TBC1D9: variants seen among roughly 807,000 people sequenced by gnomAD.
TBC1D9 encodes TBC1 domain family member 9.
In TBC1D9, 63 loss-of-function variants were observed where a neutral mutation model predicts 132.0. That is an observed-to-expected ratio of 0.48 (90% CI 0.39 to 0.59). The LOEUF (loss-of-function observed/expected upper bound fraction) is 0.59, where lower values mean the gene tolerates loss of function less well. Ranked by LOEUF, TBC1D9 falls within the 20% of genes least tolerant of loss-of-function variation. The pLI is 0.00. For missense variants in TBC1D9, 1,261 were observed against 1,592.7 expected (o/e 0.79, Z 3.54); for synonymous variants, 610 against 609.9 (o/e 1.00, Z 0.00).
At chr4:140,727,667 T>C (rs1738521608) in intron 1 of TBC1D9, among the ~76,000 whole-genome samples, 1 of 152,226 alleles carries the variant, frequency 6.6e-6, no homozygotes, top group African/African-American at 2.4e-5. Flanking sequence ...TCTTGCTGAA[T>C]ACAGTCTCTT....
chr4:140,656,114 G>A (rs1737263017), intron 13 of TBC1D9, among the ~76,000 whole-genome samples: 3 of 152,176 alleles, frequency 2.0e-5, no homozygotes, highest in Non-Finnish European at 4.4e-5. Context: ...CTGTCAGCTA[G>A]CACAGAACTA....
In TBC1D9 at chr4:140,741,932, G is replaced by A. The variant is rs142482294; in HGVS notation, c.130+13984C>T. Reference sequence around the variant, plus strand: ...CTTTGAATCCACATATGACCTGGAAGCCCCCTCCCTTTTGAGTTGTCCTAC... The same window carrying A: ...CTTTGAATCCACATATGACCTGGAAACCCCCTCCCTTTTGAGTTGTCCTAC... On this transcript the variant is annotated intron_variant, in intron 1 of 20. Transcript: ENST00000442267. 1.8e-4 allele frequency among the ~76,000 whole-genome samples: 28 copies of A among 152,184 alleles called. No individual in the cohort carries two copies. The East Asian group carries it at 5.2e-3, about 28-fold the overall frequency.
At chr4:140,674,689 A>T (rs949531271) in intron 6 of TBC1D9, among the ~76,000 whole-genome samples, 31 of 146,532 alleles carry the variant, frequency 2.1e-4, no homozygotes, top group East Asian at 1.4e-3. Context: ...ATATATATAT[A>T]TATTTTTTTT....
chr4:140,703,441 C>A (rs1738102278), intron 1 of TBC1D9, among the ~76,000 whole-genome samples: 1 of 152,220 alleles, frequency 6.6e-6, no homozygotes, highest in South Asian at 2.1e-4. Flanking sequence ...CTAGTCAACT[C>A]ATGTTCGGAA....
chr4:140,742,957 T>G (rs1375662908), intron 1 of TBC1D9, among the ~76,000 whole-genome samples: 2 of 146,106 alleles, frequency 1.4e-5, no homozygotes, highest in Non-Finnish European at 3.0e-5. Context: ...GCTTTCAAAA[T>G]GTACATACAG....
intron 2 of TBC1D9, among the ~76,000 whole-genome samples, chr4:140,691,673 GC>G (rs1737880202): frequency 6.6e-6 from 1 of 152,202 alleles, no homozygotes; most frequent in Admixed American, 6.5e-5. Flanking sequence ...CTCTGCTGTG[GC>G]TAAAAACTAG....
At chr4:140,720,647 A>AT (rs2111057852) in intron 1 of TBC1D9, among the ~76,000 whole-genome samples, 1 of 152,330 alleles carries the variant, frequency 6.6e-6, no homozygotes, top group South Asian at 2.1e-4. Context: ...GGATACCAGC[A>AT]TATTACCTGG....
intron 16 of TBC1D9, among the ~76,000 whole-genome samples, chr4:140,629,855 T>G (rs891660680): frequency 1.3e-5 from 2 of 152,228 alleles, no homozygotes; most frequent in Non-Finnish European, 2.9e-5. Flanking sequence ...ATGAAAATAA[T>G]GACGGACATT....
Position 140,620,822 on chromosome 4 carries a change from A to G in TBC1D9, c.*1373T>C, listed in dbSNP as rs1283134908. On this transcript the variant is annotated 3_prime_UTR_variant, in exon 21 of 21. Coordinates refer to ENST00000442267, the MANE Select transcript of TBC1D9 (RefSeq NM_015130.3). ...TATTTTATTTGTTCACATTTAGCCTATTTGAGGTTAACACTACTTCATTTG... is the reference window on the plus strand; with the variant it reads ...TATTTTATTTGTTCACATTTAGCCTGTTTGAGGTTAACACTACTTCATTTG... The G allele has an allele frequency of 6.6e-6, 1 of 152,654 alleles. No individual in the cohort carries two copies. The highest frequency in any genetic ancestry group is 1.5e-5 in the Non-Finnish European group (1 of 68,034). 9.5% of individuals were successfully genotyped at this position (152,654 alleles called of 1,614,324 possible). A position where few individuals can be genotyped will look rare whatever the true frequency, so the allele number is the denominator to read the frequency against.
At chr4:140,732,182 T>C (rs1738604233) in intron 1 of TBC1D9, among the ~76,000 whole-genome samples, 1 of 152,294 alleles carries the variant, frequency 6.6e-6, no homozygotes, top group African/African-American at 2.4e-5. Context: ...TTGATAAACA[T>C]ACGAATAACA....
At chr4:140,725,666 G>A (rs566562341) in intron 1 of TBC1D9, among the ~76,000 whole-genome samples, 1 of 152,082 alleles carries the variant, frequency 6.6e-6, no homozygotes, top group Non-Finnish European at 1.5e-5. Context: ...TTTGCTGGAT[G>A]CGGATCTCAT....
chr4:140,661,779 G>T, intron 10 of TBC1D9, 114 bp downstream of exon 10: 1 of 852,306 alleles, frequency 1.2e-6, no homozygotes, highest in Non-Finnish European at 1.9e-6. Flanking sequence ...AAGGTTGAGA[G>T]GCCCTGGTAA....
chr4:140,698,975 T>A (rs901837463), intron 2 of TBC1D9, among the ~76,000 whole-genome samples: 10 of 152,126 alleles, frequency 6.6e-5, no homozygotes, highest in Non-Finnish European at 1.5e-4. Context: ...TTTACTTGTA[T>A]CCTCACTAGA....
intron 2 of TBC1D9, among the ~76,000 whole-genome samples, chr4:140,699,388 C>T (rs1052700940): frequency 5.3e-5 from 8 of 152,166 alleles, no homozygotes; most frequent in Non-Finnish European, 8.8e-5. Context: ...AGTAACTTTA[C>T]AGTGGACAAA....
At chr4:140,707,948 A>G (rs1738173220) in intron 1 of TBC1D9, among the ~76,000 whole-genome samples, 2 of 151,990 alleles carry the variant, frequency 1.3e-5, no homozygotes. Flanking sequence ...ATATTACACT[A>G]AGGTAATTAC....
At chr4:140,741,416 T>C (rs1738756462) in intron 1 of TBC1D9, among the ~76,000 whole-genome samples, 1 of 152,152 alleles carries the variant, frequency 6.6e-6, no homozygotes, top group African/African-American at 2.4e-5. Context: ...TTTTAAGATC[T>C]GATCAGAGAC....
intron 2 of TBC1D9, among the ~76,000 whole-genome samples, chr4:140,687,131 A>C (rs1737792176): frequency 6.6e-6 from 1 of 151,562 alleles, no homozygotes; most frequent in South Asian, 2.1e-4. Context: ...AAACTTAAAC[A>C]ATCAGCTTTA....
chr4:140,634,136 C>T lies in TBC1D9; in HGVS notation c.2558G>A (p.Arg853Gln), dbSNP rs369151326. 15 of 1,613,758 alleles carry T rather than the reference C, an allele frequency of 9.3e-6. No individual in the cohort carries two copies. The highest frequency in any genetic ancestry group is 1.1e-5 in the Non-Finnish European group (13 of 1,179,900). ...CAGGTAGGGCAGGCTGGGGTCATGC[C>T]GGTCCAGCGCGTTGCTGCTCCCGCC... ...YWGGSSNALD[R>Q]HDPSLPYLEQ... is the part of the protein sequence containing the mutation. Residue 853 changes from arginine (R) to glutamine (Q), a missense_variant, in exon 16 of 21, where the codon CGG becomes CAG. Physicochemically the swap from Arg to Gln is conservative, Grantham distance 43 (BLOSUM62 1). This residue lies in a region of TBC1D9 where 618 missense variants were observed against 724.4 expected (regional missense o/e 0.85). Coordinates refer to ENST00000442267, the MANE Select transcript of TBC1D9 (RefSeq NM_015130.3).
rs199982926 is a variant in TBC1D9 at position 140,756,071 on chromosome 4, A to G, written c.-26T>C. On this transcript the variant is annotated 5_prime_UTR_variant, in exon 1 of 21. Coordinates refer to ENST00000442267, the MANE Select transcript of TBC1D9 (RefSeq NM_015130.3). This position sits in a 1 kb window ranked among gnomAD's most constrained non-coding sequence, Gnocchi z 5.6. The stretch of plus-strand genomic sequence containing the variant: ...GGTCCTGGCTGCCGCGGGCGGGCGC[A>G]CAATGGGCCCGTGGGTCCAGTCCTG... The G allele has an allele frequency of 1.9e-6, 3 of 1,598,798 alleles. No homozygotes were observed. In the East Asian group the frequency reaches 6.8e-5, roughly 36 times the overall value.
Sources: allele counts gnomAD v4.1 joint callset (sites outside exome capture counted in the v4.1 genomes callset), GRCh38; gene constraint gnomAD v4.1.1; regional missense constraint gnomAD v4.1.1; non-coding constraint Gnocchi (gnomAD v3.1); transcripts MANE v1.5; gene names NCBI Gene and HGNC (gene_info 2026-07-23, HGNC 2026-07-21).